Variants in CBX5 observed in about 807,000 individuals in gnomAD.
The protein encoded by CBX5 is chromobox protein homolog 5.
CBX5 carries 7 observed loss-of-function variants against 20.7 expected under a neutral mutation model. That is an observed-to-expected ratio of 0.34 (90% confidence interval 0.19 to 0.63). The LOEUF is 0.63. Among genes scored for constraint, CBX5 ranks in the 30% least tolerant of loss-of-function variants. The pLI is 0.75. For synonymous variants in CBX5, 78 were observed against 77.0 expected (o/e 1.01, Z -0.07); for missense variants, 110 against 224.1 (o/e 0.49, Z 3.25).
At chr12:54,268,490 T>C (rs1020060083) in intron 1 of CBX5, among the ~76,000 whole-genome samples, 11 of 152,354 alleles carry the variant, frequency 7.2e-5, no homozygotes, top group African/African-American at 2.6e-4. Flanking sequence ...ATGTGTTACA[T>C]GAGATTTTTC....
chr12:54,279,936 T>C (rs1412917807), intron 1 of CBX5, 72 bp downstream of exon 1: 1 of 152,158 alleles, frequency 6.6e-6, no homozygotes, highest in African/African-American at 2.4e-5. Flanking sequence ...TCCATTCATT[T>C]CACACAATAA....
intron 3 of CBX5, among the ~76,000 whole-genome samples, chr12:54,247,347 G>A (rs898486942): frequency 8.5e-5 from 13 of 152,116 alleles, no homozygotes; most frequent in African/African-American, 3.1e-4. Context: ...ACTAGGAATT[G>A]GAGACCAACA....
chr12:54,256,725 T>G (rs764823055), intron 2 of CBX5, among the ~76,000 whole-genome samples: 5 of 152,152 alleles, frequency 3.3e-5, no homozygotes, highest in Non-Finnish European at 7.4e-5. Context: ...GAAATAGTAT[T>G]TTTCACGTAT....
At chr12:54,278,098 G>A (rs182734225) in intron 1 of CBX5, among the ~76,000 whole-genome samples, 2 of 152,280 alleles carry the variant, frequency 1.3e-5, no homozygotes, top group Non-Finnish European at 2.9e-5. Flanking sequence ...GGCAATGTCT[G>A]GAAACAATCT....
At chr12:54,249,571 C>T (rs1223803483) in intron 3 of CBX5, among the ~76,000 whole-genome samples, 2 of 151,652 alleles carry the variant, frequency 1.3e-5, no homozygotes, top group South Asian at 2.1e-4. Flanking sequence ...TGGAAGATTC[C>T]GAAGTAGACT....
At chr12:54,271,709 T>A (rs891285148) in intron 1 of CBX5, 13 of 152,262 alleles carry the variant, frequency 8.5e-5, no homozygotes, top group African/African-American at 2.9e-4. Context: ...GTCCGCTTGA[T>A]GAATTTATTC....
chr12:54,259,084 G>A (rs963137801), intron 1 of CBX5, among the ~76,000 whole-genome samples: 33 of 152,284 alleles, frequency 2.2e-4, no homozygotes, highest in African/African-American at 7.2e-4. Context: ...ACTCTATTTG[G>A]AAGAGGAAGT....
chr12:54,271,308 C>T (rs1159086110), intron 1 of CBX5, among the ~76,000 whole-genome samples: 1 of 151,946 alleles, frequency 6.6e-6, no homozygotes, highest in Non-Finnish European at 1.5e-5. Flanking sequence ...AATATAATTG[C>T]AGATGTCTGT....
intron 3 of CBX5, among the ~76,000 whole-genome samples, chr12:54,247,776 T>C (rs1943751376): frequency 6.6e-6 from 1 of 151,518 alleles, no homozygotes; most frequent in African/African-American, 2.4e-5. Flanking sequence ...CAGGTTCAAG[T>C]GATTCTCCTG....
chr12:54,275,386 C>T (rs1268248484), intron 1 of CBX5, among the ~76,000 whole-genome samples: 3 of 151,946 alleles, frequency 2.0e-5, no homozygotes, highest in Non-Finnish European at 4.4e-5. Context: ...GGGCTACAGG[C>T]GTGTGCCACC....
At position 54,241,089 on chromosome 12, in the gene CBX5, A is replaced by C. The variant is rs1943671501; in HGVS notation, c.*666T>G. ...AGCAATACCGAAAGTCCTGGGGCTAAAAAGAGTGTCTTGACAGATTTCAGT... is the reference window on the plus strand; with the variant it reads ...AGCAATACCGAAAGTCCTGGGGCTACAAAGAGTGTCTTGACAGATTTCAGT... On this transcript the variant is annotated 3_prime_UTR_variant, in exon 5 of 5. Coordinates refer to ENST00000209875, the MANE Select transcript of CBX5 (RefSeq NM_012117.3). 1 of 152,182 alleles carries C rather than the reference A, an allele frequency of 6.6e-6. No individual in the cohort carries two copies. The highest frequency in any genetic ancestry group is 2.1e-4 in the South Asian group (1 of 4,824). 9.4% of individuals were successfully genotyped at this position (152,182 alleles called of 1,614,324 possible).
chr12:54,256,161 A>C (rs967570689), intron 2 of CBX5, among the ~76,000 whole-genome samples: 1 of 152,146 alleles, frequency 6.6e-6, no homozygotes, highest in African/African-American at 2.4e-5. Context: ...CAAACACCCA[A>C]ATATTTCCAG....
intron 3 of CBX5, among the ~76,000 whole-genome samples, chr12:54,247,067 G>C (rs974691444): frequency 6.6e-6 from 1 of 152,166 alleles, no homozygotes; most frequent in Admixed American, 6.6e-5. Context: ...AAGAATAGAG[G>C]TAAGAATTAT....
rs1030026957 is a variant in CBX5, at chr12:54,233,726, T to C, written c.*8029A>G. 5.3e-5 allele frequency: 8 copies of C among 151,216 alleles called. No homozygotes were observed. Among genetic ancestry groups the C allele is most frequent in the African/African-American group, 1.7e-4 (7 of 41,014 alleles). 9.4% of individuals were successfully genotyped at this position (151,216 alleles called of 1,614,324 possible). On this transcript the variant is annotated 3_prime_UTR_variant, in exon 5 of 5. Coordinates refer to ENST00000209875, the MANE Select transcript of CBX5 (RefSeq NM_012117.3). Reference sequence around the variant, plus strand: ...CACGTGGATCACTTGAGCTCACGAGTTGGAGACCAGCCTGGGCAACACAGG... The same window carrying C: ...CACGTGGATCACTTGAGCTCACGAGCTGGAGACCAGCCTGGGCAACACAGG...
chr12:54,259,039 A>G (rs1376969153), intron 1 of CBX5, among the ~76,000 whole-genome samples: 1 of 152,184 alleles, frequency 6.6e-6, no homozygotes, highest in African/African-American at 2.4e-5. Context: ...GCCTATACCC[A>G]TTACTGCCCT....
At chr12:54,250,068 C>T (rs903709923) in intron 3 of CBX5, among the ~76,000 whole-genome samples, 9 of 151,716 alleles carry the variant, frequency 5.9e-5, no homozygotes, top group African/African-American at 1.9e-4. Flanking sequence ...ACTAAAAATA[C>T]AAAATTAGCT....
Position 54,241,619 on chromosome 12 carries a change from T to C in CBX5, c.*136A>G. The C allele has an allele frequency of 2.7e-6, 2 of 751,364 alleles. No homozygotes were observed. Among genetic ancestry groups the C allele is most frequent in the African/African-American group, 3.5e-5 (2 of 56,772 alleles). The allele number at this position is 751,364 out of a possible 1,614,324, so 46.5% of individuals were successfully genotyped here. On this transcript the variant is annotated 3_prime_UTR_variant, in exon 5 of 5. Coordinates refer to ENST00000209875, the MANE Select transcript of CBX5 (RefSeq NM_012117.3). ...TGTTACAAGAGAACCAATACCAACA[T>C]TTCTCCTGTGGAGCACAGTGATAAG...
intron 1 of CBX5, among the ~76,000 whole-genome samples, chr12:54,269,742 A>T (rs1272757189): frequency 6.6e-6 from 1 of 152,076 alleles, no homozygotes; most frequent in Non-Finnish European, 1.5e-5. Flanking sequence ...CTTTTCCTTA[A>T]TAGAGATAGG....
intron 4 of CBX5, among the ~76,000 whole-genome samples, chr12:54,244,250 C>T (rs940301161): frequency 2.0e-5 from 3 of 151,154 alleles, no homozygotes; most frequent in South Asian, 2.1e-4. Context: ...GTGATCCGCC[C>T]GTCTCGGCGT....
Sources: gnomAD v4.1 joint callset for allele counts (sites outside exome capture counted in the v4.1 genomes callset) on GRCh38, gnomAD v4.1.1 for gene constraint, MANE v1.5 for transcripts, NCBI Gene and HGNC (gene_info 2026-07-23, HGNC 2026-07-21) for gene names.